The following DHX36 variants were observed in gnomAD, a reference collection of about 807,000 sequenced individuals.
DHX36 encodes the protein DEAH-box helicase 36.
Under a neutral mutation model 139.0 loss-of-function variants are expected in DHX36, and 50 were observed. That is an observed-to-expected ratio of 0.36 (90% CI 0.29 to 0.46). The LOEUF is 0.46. Ranked by LOEUF, DHX36 falls within the 20% of genes least tolerant of loss-of-function variation. The pLI is 1.00. For synonymous variants in DHX36, 425 were observed against 401.9 expected (o/e 1.06, Z -0.69); for missense variants, 1,024 against 1,211.3 (o/e 0.85, Z 2.29).
At chr3:154,316,209 A>G in intron 1 of DHX36, 46 bp from the exon 2 acceptor site, 2 of 1,605,422 alleles carry the variant, frequency 1.2e-6, no homozygotes, top group Non-Finnish European at 1.7e-6. Flanking sequence ...ATAAGAAAGC[A>G]TATGCAAAAA....
chr3:154,303,449 C>T (rs960803174), intron 8 of DHX36, 39 bp from the exon 9 acceptor site: 1 of 1,437,348 alleles, frequency 7.0e-7, no homozygotes, highest in Non-Finnish European at 9.6e-7. Flanking sequence ...AATTTGTACT[C>T]AAATGTTAAA....
chr3:154,276,170 G>A lies in DHX36; in HGVS notation c.*1C>T, dbSNP rs1719142083. On this transcript the variant is annotated 3_prime_UTR_variant, in exon 25 of 25. Coordinates refer to ENST00000496811, the MANE Select transcript of DHX36 (RefSeq NM_020865.3). ...CTTTTCAGACCACCCCTGAAAAGCT[G>A]TCAGCTGTAATATCCATCCTGGAAT... The A allele has an allele frequency of 6.2e-7, 1 of 1,605,950 alleles. No individual in the cohort carries two copies. The highest frequency in any genetic ancestry group is 1.3e-5 in the African/African-American group (1 of 74,430).
At chr3:154,291,161 A>C (rs1711793687) in intron 15 of DHX36, among the ~76,000 whole-genome samples, 1 of 148,316 alleles carries the variant, frequency 6.7e-6, no homozygotes, top group African/African-American at 2.5e-5. Context: ...AAAAAAAAAA[A>C]GAGTACCTCC....
intron 17 of DHX36, among the ~76,000 whole-genome samples, chr3:154,286,566 TA>T (rs1423275773): frequency 6.6e-6 from 1 of 151,586 alleles, no homozygotes; most frequent in East Asian, 2.0e-4. Flanking sequence ...ATCTAAATTT[TA>T]AAAAATCTAA....
At chr3:154,295,180 T>G in intron 13 of DHX36, 104 bp downstream of exon 13, 2 of 660,532 alleles carry the variant, frequency 3.0e-6, no homozygotes, top group East Asian at 3.4e-5. Context: ...GAATTACTAT[T>G]TGAAAATACT....
chr3:154,295,547 T>C (rs1236933820), intron 12 of DHX36, among the ~76,000 whole-genome samples: 1 of 152,226 alleles, frequency 6.6e-6, no homozygotes, highest in Non-Finnish European at 1.5e-5. Flanking sequence ...TTTTTATTTC[T>C]ACATACAAAC....
chr3:154,315,457 A>G (rs542750565), intron 2 of DHX36, among the ~76,000 whole-genome samples, 177 bp from the exon 3 acceptor site: 3 of 152,038 alleles, frequency 2.0e-5, no homozygotes, highest in Non-Finnish European at 4.4e-5. Context: ...ATAAATTCAA[A>G]TTTTTCTTCC....
intron 15 of DHX36, among the ~76,000 whole-genome samples, chr3:154,291,370 C>CT (rs1711805762): frequency 6.6e-6 from 1 of 152,082 alleles, no homozygotes; most frequent in African/African-American, 2.4e-5. Context: ...AAATCTAAGG[C>CT]TTAGTATGTT....
intron 8 of DHX36, among the ~76,000 whole-genome samples, chr3:154,304,381 A>G (rs534651415): frequency 8.5e-5 from 13 of 152,274 alleles, no homozygotes; most frequent in Admixed American, 2.0e-4. Context: ...ACTACCTCAT[A>G]AAGTGTTATA....
chr3:154,305,323 G>C (rs978687736), intron 6 of DHX36, 155 bp from the exon 7 acceptor site: 12 of 594,882 alleles, frequency 2.0e-5, no homozygotes, highest in Non-Finnish European at 3.5e-5. Context: ...ACCACAATGG[G>C]GTAATGGGAA....
intron 15 of DHX36, among the ~76,000 whole-genome samples, chr3:154,291,697 T>C (rs1011651373): frequency 1.3e-5 from 2 of 152,204 alleles, no homozygotes; most frequent in Non-Finnish European, 2.9e-5. Flanking sequence ...AAATGGCCTG[T>C]AAAGTTTTCT....
At chr3:154,303,433 A>G in intron 8 of DHX36, 23 bp from the exon 9 acceptor site, 2 of 1,525,808 alleles carry the variant, frequency 1.3e-6, no homozygotes, top group Middle Eastern at 1.7e-4. Context: ...ACAAAATATA[A>G]GCATAAATTT....
At chr3:154,292,412 AT>A in intron 15 of DHX36, 138 bp downstream of exon 15, 1 of 1,196,410 alleles carries the variant, frequency 8.4e-7, no homozygotes. Flanking sequence ...CAACTTTCCT[AT>A]TTAAAAATGT....
chr3:154,298,919 TA>T (rs1559952445), intron 12 of DHX36, among the ~76,000 whole-genome samples: 1 of 151,356 alleles, frequency 6.6e-6, no homozygotes, highest in Non-Finnish European at 1.5e-5. Context: ...GTTTCAAAAA[TA>T]AATTAATAAA....
Position 154,287,004 on chromosome 3 carries a change from T to C in DHX36, c.2031+1862A>G, listed in dbSNP as rs72996630. Among the ~76,000 whole-genome samples, 833 of 152,128 alleles carry C rather than the reference T, an allele frequency of 5.5e-3. 11 individuals are homozygous for C. The highest frequency in any genetic ancestry group is 0.019 in the African/African-American group (795 of 41,512). On this transcript the variant is annotated intron_variant, in intron 17 of 24. Coordinates refer to ENST00000496811, the MANE Select transcript of DHX36 (RefSeq NM_020865.3). ...ATTTGTTCCACTAGAAAACAAGATT[T>C]ATCATAAAGCTAGAGTAATTAAGGC...
intron 13 of DHX36, 23 bp downstream of exon 13, chr3:154,295,261 A>G: frequency 6.9e-7 from 1 of 1,455,530 alleles, no homozygotes. Flanking sequence ...AATACATTTA[A>G]CAAATGTATC....
chr3:154,312,505 T>C (rs1055233974), intron 3 of DHX36, among the ~76,000 whole-genome samples: 1 of 151,670 alleles, frequency 6.6e-6, no homozygotes, highest in Non-Finnish European at 1.5e-5. Flanking sequence ...AAAACTTCAG[T>C]GGCATAAAAA....
intron 3 of DHX36, among the ~76,000 whole-genome samples, chr3:154,312,425 G>A (rs943635137): frequency 2.8e-4 from 42 of 151,532 alleles, no homozygotes; most frequent in African/African-American, 9.0e-4. Flanking sequence ...CTCTATACCC[G>A]TATTACATAA....
chr3:154,321,541 C>A (rs1334356754), intron 1 of DHX36, among the ~76,000 whole-genome samples: 5 of 152,216 alleles, frequency 3.3e-5, no homozygotes, highest in African/African-American at 1.2e-4. Flanking sequence ...AAACACACCA[C>A]AATCTCTGTA....
Sources: allele counts gnomAD v4.1 joint callset (sites outside exome capture counted in the v4.1 genomes callset), GRCh38; gene constraint gnomAD v4.1.1; transcripts MANE v1.5; gene names NCBI Gene and HGNC (gene_info 2026-07-23, HGNC 2026-07-21).